LMO7: variants seen among roughly 807,000 people sequenced by gnomAD.
The protein encoded by LMO7 is LIM domain 7, also known as LIM domain only protein 7.
In LMO7, 120 loss-of-function variants were observed where a neutral mutation model predicts 206.5. The ratio of observed to expected loss-of-function variants is 0.58; its 90% CI spans 0.50 to 0.68. LMO7 has a LOEUF of 0.68. LMO7 is among the 30% of genes least tolerant of loss of function. LMO7 has a pLI of 0.00. For missense variants in LMO7, 1,959 were observed against 1,957.9 expected, an observed-to-expected ratio of 1.00 and a Z score of -0.01; for synonymous variants, 706 against 681.5, an observed-to-expected ratio of 1.04 and a Z score of -0.56.
At chr13:75,737,187 A>G (rs532639786) in intron 3 of LMO7, among the ~76,000 whole-genome samples, 1 of 152,282 alleles carries the variant, frequency 6.6e-6, no homozygotes, top group Admixed American at 6.5e-5. Flanking sequence ...GTGAAAACAC[A>G]GACACACAGG....
Position 75,747,232 on chromosome 13 carries a change from A to G in LMO7, c.211-13700A>G, listed in dbSNP as rs557717877. On this transcript the variant is annotated intron_variant, in intron 3 of 30. Transcript: ENST00000377534. ...AATCATGCATTTTAAACCTTTATCC[A>G]TGGCACCTCACTGATACCATCATAG... Among the ~76,000 whole-genome samples the G allele has an allele frequency of 8.5e-5, 13 of 152,288 alleles. No homozygotes were observed. The East Asian group carries it at 9.6e-4, about 11-fold the overall frequency.
In LMO7 at chr13:75,859,590, T is replaced by C. The variant is rs2061158346; in HGVS notation, c.*1647T>C. The C allele has an allele frequency of 6.6e-6, 1 of 152,224 alleles. No homozygotes were observed. Among genetic ancestry groups the C allele is most frequent in the African/African-American group, 2.4e-5 (1 of 41,454 alleles). The allele number at this position is 152,224 out of a possible 1,614,324, so 9.4% of individuals were successfully genotyped here. On this transcript the variant is annotated 3_prime_UTR_variant, in exon 31 of 31. Transcript: ENST00000377534. ...ATGTTATATATAAATATGTAAATTC[T>C]GTGATACTCTATGATCATCTCTTTC... is the stretch of plus-strand genomic sequence containing the variant.
intron 8 of LMO7, 183 bp from the exon 9 acceptor site, chr13:75,805,296 C>A: frequency 1.1e-6 from 1 of 941,546 alleles, no homozygotes; most frequent in Non-Finnish European, 1.5e-6. Context: ...ATCTAGCTAT[C>A]CTTGAGTTAA....
At chr13:75,788,901 A>C (rs2052837063) in intron 4 of LMO7, 1 of 152,382 alleles carries the variant, frequency 6.6e-6, no homozygotes, top group African/African-American at 2.4e-5. Context: ...GGCCTCAGGA[A>C]GTAGAGGGCT....
intron 19 of LMO7, 139 bp from the exon 20 acceptor site, chr13:75,838,001 A>G (rs559459933): frequency 4.0e-4 from 234 of 587,234 alleles, no homozygotes; most frequent in Admixed American, 3.3e-3. Flanking sequence ...GAAATAATCT[A>G]TATCTTCTAT....
chr13:75,631,479 G>A (rs1479137092), upstream of LMO7: 1 of 152,190 alleles, frequency 6.6e-6, no homozygotes, highest in Non-Finnish European at 1.5e-5. Flanking sequence ...GAAGCTGACA[G>A]AAATGGCATT....
rs773723066 is a variant in LMO7 at position 75,840,449 on chromosome 13, G to A, written c.3536G>A (p.Arg1179Gln). 25 of 1,613,974 alleles carry A rather than the reference G, an allele frequency of 1.5e-5. No homozygotes were observed. In the East Asian group the frequency reaches 1.8e-4, roughly 12 times the overall value. The change falls in exon 22 of 31, where the codon CGG (arginine) becomes CAG (glutamine). Residue 1179 changes from arginine to glutamine, a missense_variant. By Grantham distance (43) the Arg-to-Gln change is conservative. Transcript: ENST00000377534. ...TGGGTGTGGGATCAAGAGGAGGAGC[G>A]GAAGCGGCAGGAGAGGTGGCAGAAG... Reference protein sequence around the residue: ...SRWVWDQEEERKRQERWQKEQ... With the variant: ...SRWVWDQEEEQKRQERWQKEQ...
chr13:75,799,956 G>T (rs930546111), intron 6 of LMO7, among the ~76,000 whole-genome samples: 1 of 152,194 alleles, frequency 6.6e-6, no homozygotes, highest in Non-Finnish European at 1.5e-5. Context: ...CATTTGTGAT[G>T]TTCCTGTGTG....
intron 3 of LMO7, among the ~76,000 whole-genome samples, chr13:75,748,692 G>A (rs1173038714): frequency 1.3e-5 from 2 of 152,176 alleles, no homozygotes; most frequent in Non-Finnish European, 2.9e-5. Context: ...AAGTAGGGAA[G>A]GGGCTCTCAT....
At chr13:75,688,843 A>G (rs2041228443) in intron 1 of LMO7, 2 of 152,094 alleles carry the variant, frequency 1.3e-5, no homozygotes, top group Non-Finnish European at 2.9e-5. Flanking sequence ...TGATGCCAAA[A>G]TTGAATAAGC....
intron 3 of LMO7, among the ~76,000 whole-genome samples, chr13:75,730,286 A>G (rs2045011785): frequency 6.6e-6 from 1 of 152,202 alleles, no homozygotes; most frequent in Non-Finnish European, 1.5e-5. Flanking sequence ...TAAGCTATTA[A>G]TTATTGCCAC....
chr13:75,678,424 G>C (rs144446794), intron 1 of LMO7, among the ~76,000 whole-genome samples: 120 of 152,312 alleles, frequency 7.9e-4, no homozygotes, highest in Admixed American at 1.4e-3. Flanking sequence ...TCTTTTGGCT[G>C]CACAAATATC....
At chr13:75,853,051 A>T in intron 27 of LMO7, 41 bp from the exon 28 acceptor site, 1 of 1,467,800 alleles carries the variant, frequency 6.8e-7, no homozygotes, top group Non-Finnish European at 9.2e-7. Context: ...TTTCTAGTTG[A>T]ACATGTCACA....
At chr13:75,750,289 G>C (rs1240443646) in intron 3 of LMO7, among the ~76,000 whole-genome samples, 1 of 150,412 alleles carries the variant, frequency 6.6e-6, no homozygotes, top group Non-Finnish European at 1.5e-5. Context: ...GAGAAACACT[G>C]TCTTAAGTTA....
intron 4 of LMO7, among the ~76,000 whole-genome samples, chr13:75,791,007 T>C (rs9544044): frequency 0.56 from 83,285 of 149,724 alleles, 23,833 homozygotes; most frequent in East Asian, 0.92. Flanking sequence ...GATGGAGTCT[T>C]GCTCTGTCGC....
Position 75,629,989 on chromosome 13 carries a change from T to C in LMO7, c.225+6669T>C, listed in dbSNP as rs376090139. 9.2e-5 allele frequency among the ~76,000 whole-genome samples: 14 copies of C among 152,302 alleles called. No homozygotes were observed. The East Asian group carries it at 1.4e-3, about 15-fold the overall frequency. On this transcript the variant is annotated intron_variant, in intron 2 of 29. Coordinates refer to the LMO7 transcript ENST00000341547. ...CCTCAGGATTTGGGGGAATTTGTTC[T>C]AGGACCCCTGTTCATACGAAAACCT...
intron 26 of LMO7, 79 bp downstream of exon 26, chr13:75,845,458 C>A: frequency 1.2e-6 from 1 of 802,948 alleles, no homozygotes; most frequent in South Asian, 1.6e-5. Flanking sequence ...TTTTTAAGGT[C>A]AAGATATTTC....
At chr13:75,676,112 G>A (rs1477254619) in intron 1 of LMO7, among the ~76,000 whole-genome samples, 5 of 152,184 alleles carry the variant, frequency 3.3e-5, no homozygotes, top group East Asian at 3.9e-4. Context: ...TGCCTGGAGC[G>A]TAGTAGATGT....
intron 4 of LMO7, among the ~76,000 whole-genome samples, chr13:75,783,809 T>C (rs2051946803): frequency 6.6e-6 from 1 of 152,234 alleles, no homozygotes; most frequent in Admixed American, 6.5e-5. Flanking sequence ...CCCTTTGGTC[T>C]GATGGTATGT....
Sources: gnomAD v4.1 joint callset for allele counts (sites outside exome capture counted in the v4.1 genomes callset) on GRCh38, gnomAD v4.1.1 for gene constraint, MANE v1.5 for transcripts, NCBI Gene and HGNC (gene_info 2026-07-23, HGNC 2026-07-21) for gene names.